Variants in HTR2C observed in about 807,000 individuals in gnomAD.
HTR2C encodes the protein 5-hydroxytryptamine receptor 2C.
A neutral mutation model predicts 21.0 loss-of-function variants in HTR2C; 5 were observed. The ratio of observed to expected loss-of-function variants is 0.24; its 90% CI spans 0.12 to 0.50. The LOEUF (loss-of-function observed/expected upper bound fraction) is 0.50. Ranked by LOEUF, HTR2C falls within the 20% of genes least tolerant of loss-of-function variation. HTR2C has a pLI of 0.98. For synonymous variants in HTR2C, 150 were observed against 145.3 expected (o/e 1.03, Z -0.23); for missense variants, 271 against 371.2 (o/e 0.73, Z 2.22).
chrX:114,811,047 A>G (rs1227884164), intron 4 of HTR2C, among the ~76,000 whole-genome samples: 4 of 111,754 alleles, frequency 3.6e-5, no homozygotes, highest in African/African-American at 1.3e-4. Context: ...ATGTCATTGA[A>G]TGGCCAGTTG....
chrX:114,734,564 T>TAAAAAAAAAAAAAAAAAAA (rs61672860), intron 4 of HTR2C, among the ~76,000 whole-genome samples: 51 of 34,288 alleles, frequency 1.5e-3, no homozygotes, highest in African/African-American at 2.1e-3. Context: ...GCCTTACATG[T>TAAAAAAAAAAAAAAAAAAA]AAAAAAAAAA....
At chrX:114,677,037 C>T (rs189341238) in intron 2 of HTR2C, among the ~76,000 whole-genome samples, 10 of 111,754 alleles carry the variant, frequency 8.9e-5, no homozygotes, top group South Asian at 3.7e-4. Context: ...TTAACATGTT[C>T]AAGAAACATA....
intron 1 of HTR2C, among the ~76,000 whole-genome samples, chrX:114,590,127 G>GT (rs782111648): frequency 9.0e-6 from 1 of 111,710 alleles, no homozygotes; most frequent in African/African-American, 3.2e-5. Flanking sequence ...GTAACTGCCA[G>GT]TTTTTTAGTT....
intron 4 of HTR2C, among the ~76,000 whole-genome samples, chrX:114,790,585 T>C (rs1969504151): frequency 8.9e-6 from 1 of 111,753 alleles, no homozygotes; most frequent in Non-Finnish European, 1.9e-5. Flanking sequence ...GATAGATAAA[T>C]AGACTTTCAT....
At chrX:114,902,103 A>T (rs1359586970) in intron 5 of HTR2C, among the ~76,000 whole-genome samples, 5 of 112,051 alleles carry the variant, frequency 4.5e-5, no homozygotes, top group Non-Finnish European at 9.4e-5. Flanking sequence ...AATTTTTCTG[A>T]AGTTAACTTC....
At chrX:114,718,011 T>C (rs782272672) in intron 2 of HTR2C, among the ~76,000 whole-genome samples, 7 of 111,086 alleles carry the variant, frequency 6.3e-5, no homozygotes, top group Non-Finnish European at 1.3e-4. Context: ...CCACAGTTTT[T>C]TGTTTTCTTT....
At chrX:114,786,473 C>T (rs2070175317) in intron 4 of HTR2C, among the ~76,000 whole-genome samples, 1 of 111,765 alleles carries the variant, frequency 8.9e-6, no homozygotes, top group South Asian at 3.7e-4. Flanking sequence ...TTTAGTAATA[C>T]AATCAAGTAT....
chrX:114,732,783 G>T (rs2069549293), intron 4 of HTR2C, among the ~76,000 whole-genome samples: 1 of 110,978 alleles, frequency 9.0e-6, no homozygotes, highest in Non-Finnish European at 1.9e-5. Context: ...TGTGTTCTGT[G>T]GTGTCTGTTT....
intron 4 of HTR2C, chrX:114,775,443 A>G: frequency 1.9e-6 from 1 of 515,598 alleles, no homozygotes; most frequent in South Asian, 2.4e-5. Flanking sequence ...ACCTTCATAA[A>G]CCTGAATCAG....
chrX:114,612,291 T>A, intron 1 of HTR2C, among the ~76,000 whole-genome samples: 1 of 112,090 alleles, frequency 8.9e-6, no homozygotes, highest in Non-Finnish European at 1.9e-5. Flanking sequence ...TTTACATCAC[T>A]CAATTTTACT....
At position 114,663,260 on chromosome X, in the gene HTR2C, G is replaced by A. The variant is rs188661034; in HGVS notation, c.-80+49379G>A. ...ACCTAATGAAATACTTAGTGTATTC[G>A]TTCCAGCAACATGTTCAGCACTGTT... is the stretch of plus-strand genomic sequence containing the variant. On this transcript the variant is annotated intron_variant, in intron 2 of 5. Coordinates refer to ENST00000276198, the MANE Select transcript of HTR2C (RefSeq NM_000868.4). Among the ~76,000 whole-genome samples, 12 of 110,752 alleles carry A rather than the reference G, an allele frequency of 1.1e-4. No homozygotes were observed. The East Asian group carries it at 1.1e-3, about 10-fold the overall frequency.
chrX:114,731,617 A>G lies in HTR2C; in HGVS notation c.349+10A>G, dbSNP rs782781734. ...CTGGCAATCCTTTATGGTAAGTACA[A>G]TTTTATTCACTTTTCAATCTCGTAT... On this transcript the variant is annotated intron_variant, in intron 4 of 5. Transcript: ENST00000276198. 2 of 1,121,421 alleles carry G rather than the reference A, an allele frequency of 1.8e-6. No individual in the cohort carries two copies. The highest frequency in any genetic ancestry group is 2.4e-6 in the Non-Finnish European group (2 of 824,757). The allele number at this position is 1,121,421 out of a possible 1,213,427, so 92.4% of individuals were successfully genotyped here.
chrX:114,853,204 G>C (rs1205485590), intron 5 of HTR2C, among the ~76,000 whole-genome samples: 1 of 111,015 alleles, frequency 9.0e-6, no homozygotes, highest in African/African-American at 3.3e-5. Context: ...TCAGTTTTAA[G>C]TGTCCTTTTG....
Position 114,675,868 on chromosome X carries a change from C to CTTT in HTR2C, c.-79-50986_-79-50984dup, listed in dbSNP as rs1556412476. Among the ~76,000 whole-genome samples the CTTT allele has an allele frequency of 1.9e-4, 18 of 94,300 alleles. 1 individual carries two copies. The highest frequency in any genetic ancestry group is 2.3e-4 in the Non-Finnish European group (11 of 47,181). 81.9% of individuals were successfully genotyped at this position (94,300 alleles called of 115,157 possible). ...TTTTAAGACTTTTCGTTTCTTTTTT[C>CTTT]TTTTTTCTTTTTTTTTTTGAGACGA... is the stretch of plus-strand genomic sequence containing the variant. On this transcript the variant is annotated intron_variant, in intron 2 of 5. Transcript: ENST00000276198.
chrX:114,698,395 A>C (rs1932343678), intron 2 of HTR2C, among the ~76,000 whole-genome samples: 1 of 109,601 alleles, frequency 9.1e-6, no homozygotes, highest in African/African-American at 3.3e-5. Context: ...TGCTATCCAT[A>C]GCATTGAAAT....
intron 2 of HTR2C, among the ~76,000 whole-genome samples, chrX:114,657,588 C>T (rs1463061864): frequency 9.0e-6 from 1 of 111,445 alleles, no homozygotes; most frequent in Non-Finnish European, 1.9e-5. Flanking sequence ...GGTAAGTCTA[C>T]CTCCCTTAAG....
At chrX:114,727,421 A>T (rs1260966782) in intron 3 of HTR2C, among the ~76,000 whole-genome samples, 4 of 111,616 alleles carry the variant, frequency 3.6e-5, no homozygotes, top group African/African-American at 1.3e-4. Context: ...GGATGGGAAA[A>T]ACCAATGTCA....
intron 2 of HTR2C, among the ~76,000 whole-genome samples, chrX:114,628,740 A>G (rs1398631506): frequency 4.5e-5 from 5 of 111,790 alleles, no homozygotes; most frequent in Middle Eastern, 4.2e-3. Context: ...GTAGTGATAG[A>G]ATAACAGCCA....
chrX:114,589,662 G>A (rs897517865), intron 1 of HTR2C: 5 of 213,509 alleles, frequency 2.3e-5, no homozygotes, highest in Non-Finnish European at 3.5e-5. Context: ...AAGAAGTGTG[G>A]CTAGCACCAA....
Sources: gnomAD v4.1 joint callset for allele counts (sites outside exome capture counted in the v4.1 genomes callset) on GRCh38, gnomAD v4.1.1 for gene constraint, MANE v1.5 for transcripts, NCBI Gene and HGNC (gene_info 2026-07-23, HGNC 2026-07-21) for gene names.